Variants in SHANK2 observed in about 807,000 individuals in gnomAD.
SHANK2 encodes the protein SH3 and multiple ankyrin repeat domains protein 2.
A neutral mutation model predicts 133.7 loss-of-function variants in SHANK2; 43 were observed. The ratio of observed to expected loss-of-function variants is 0.32; its 90% CI spans 0.25 to 0.41. SHANK2 has a LOEUF of 0.41. Among genes scored for constraint, SHANK2 ranks in the 10% least tolerant of loss-of-function variants. The probability of loss-of-function intolerance (pLI) is 1.00; values close to 1 mark genes in which losing one functional copy is unlikely to be tolerated. For missense variants in SHANK2, 1,994 were observed against 2,235.8 expected (o/e 0.89, Z 2.18); for synonymous variants, 1,017 against 952.8 (o/e 1.07, Z -1.24).
chr11:70,624,418 C>T (rs1447305492), intron 17 of SHANK2, among the ~76,000 whole-genome samples: 1 of 151,888 alleles, frequency 6.6e-6, no homozygotes, highest in African/African-American at 2.4e-5. Flanking sequence ...CTGCACCCCT[C>T]ACAGAGAGAG....
intron 17 of SHANK2, among the ~76,000 whole-genome samples, chr11:70,612,080 G>A (rs568759515): frequency 6.6e-6 from 1 of 152,300 alleles, no homozygotes; most frequent in East Asian, 1.9e-4. Context: ...CACAGGCCCA[G>A]GAGGGGAGCT....
chr11:71,128,708 C>T (rs1952236241), intron 3 of SHANK2, among the ~76,000 whole-genome samples: 1 of 152,228 alleles, frequency 6.6e-6, no homozygotes, highest in Admixed American at 6.5e-5. Flanking sequence ...CTCTCTCTCC[C>T]CCGACATCTG....
chr11:70,591,428 A>G (rs994512136), intron 17 of SHANK2, among the ~76,000 whole-genome samples: 3 of 152,276 alleles, frequency 2.0e-5, no homozygotes, highest in Middle Eastern at 3.4e-3. Context: ...AAGATAGAAG[A>G]AGGAGCCGGA....
chr11:70,931,517 G>A (rs919673352), intron 10 of SHANK2, among the ~76,000 whole-genome samples: 20 of 152,180 alleles, frequency 1.3e-4, no homozygotes, highest in African/African-American at 4.8e-4. Context: ...CGTGGCCACG[G>A]CAAGTCAGGA....
At chr11:70,906,337 G>A (rs1449823672) in intron 10 of SHANK2, among the ~76,000 whole-genome samples, 3 of 152,054 alleles carry the variant, frequency 2.0e-5, no homozygotes, top group African/African-American at 7.2e-5. Flanking sequence ...GGGCCCTGGA[G>A]AGGCTGTGGA....
At chr11:70,747,262 TGG>T (rs1946660460) in intron 14 of SHANK2, among the ~76,000 whole-genome samples, 1 of 151,366 alleles carries the variant, frequency 6.6e-6, no homozygotes, top group African/African-American at 2.4e-5. Flanking sequence ...GGCGGGGAGG[TGG>T]GGCTCGGTGC....
rs914102966 is a variant in SHANK2 at position 70,577,397 on chromosome 11, G to A, written c.2062-74466C>T. Among the ~76,000 whole-genome samples the A allele has an allele frequency of 6.6e-5, 10 of 152,322 alleles. No homozygotes were observed. In the East Asian group the frequency reaches 1.2e-3, roughly 18 times the overall value. The stretch of plus-strand genomic sequence containing the variant: ...GGTGGAGCCACTTCATGGCACCCAC[G>A]GACCACGAGACATCTCTGGGCTGGG... On this transcript the variant is annotated intron_variant, in intron 17 of 25. Transcript: ENST00000601538.
chr11:70,805,892 CT>C (rs1373919075), intron 13 of SHANK2, among the ~76,000 whole-genome samples: 2 of 152,076 alleles, frequency 1.3e-5, no homozygotes, highest in African/African-American at 4.8e-5. Flanking sequence ...AGAAAAATGA[CT>C]GAAAAAAATG....
chr11:71,230,192 A>C (rs1426733203), intron 1 of SHANK2, among the ~76,000 whole-genome samples: 13 of 152,102 alleles, frequency 8.5e-5, no homozygotes, highest in Admixed American at 8.5e-4. Context: ...TGGGAGGCGG[A>C]GGCAGGAGAA....
At chr11:70,699,864 G>C (rs1456686270) in intron 14 of SHANK2, among the ~76,000 whole-genome samples, 1 of 152,176 alleles carries the variant, frequency 6.6e-6, no homozygotes. Flanking sequence ...ACCCAGATGT[G>C]GCCACGTGAC....
At chr11:70,663,981 T>C (rs909273637) in intron 15 of SHANK2, among the ~76,000 whole-genome samples, 4 of 152,188 alleles carry the variant, frequency 2.6e-5, no homozygotes, top group African/African-American at 7.2e-5. Flanking sequence ...GATGAGGCCA[T>C]GCCATGCTGG....
chr11:70,556,259 A>C (rs1352951341), intron 17 of SHANK2, among the ~76,000 whole-genome samples: 1 of 152,202 alleles, frequency 6.6e-6, no homozygotes, highest in African/African-American at 2.4e-5. Context: ...CATTGTCTGA[A>C]TATATCACAG....
chr11:70,817,566 G>A (rs1948424890), intron 12 of SHANK2, among the ~76,000 whole-genome samples: 1 of 152,182 alleles, frequency 6.6e-6, no homozygotes, highest in East Asian at 1.9e-4. Flanking sequence ...CTCTACCAAC[G>A]GTTCTAGGTG....
intron 10 of SHANK2, among the ~76,000 whole-genome samples, chr11:70,932,759 C>T (rs1181143014): frequency 6.6e-6 from 1 of 152,174 alleles, no homozygotes; most frequent in Non-Finnish European, 1.5e-5. Flanking sequence ...ACAATATTGT[C>T]CTGGTGGTTG....
At chr11:71,231,489 A>C (rs1954740529) in intron 1 of SHANK2, among the ~76,000 whole-genome samples, 1 of 152,262 alleles carries the variant, frequency 6.6e-6, no homozygotes, top group Non-Finnish European at 1.5e-5. Context: ...AAAATGGTAC[A>C]GACATTACAG....
chr11:70,688,044 C>T (rs559614848), intron 15 of SHANK2, among the ~76,000 whole-genome samples: 1 of 152,344 alleles, frequency 6.6e-6, no homozygotes, highest in East Asian at 1.9e-4. Context: ...GCAGCCAGAC[C>T]TTCCTGCCTG....
chr11:70,599,024 C>T (rs2060440039), intron 17 of SHANK2, among the ~76,000 whole-genome samples: 1 of 147,064 alleles, frequency 6.8e-6, no homozygotes, highest in Non-Finnish European at 1.5e-5. Context: ...ATTCCCACTT[C>T]TATTCAGCAT....
intron 2 of SHANK2, among the ~76,000 whole-genome samples, chr11:71,168,453 C>A (rs1459940448): frequency 6.6e-6 from 1 of 152,008 alleles, no homozygotes; most frequent in Admixed American, 6.5e-5. Flanking sequence ...AATCTCGGCA[C>A]CTTGGGAGGC....
chr11:70,819,499 C>A (rs58778595), intron 12 of SHANK2, among the ~76,000 whole-genome samples: 2 of 152,152 alleles, frequency 1.3e-5, no homozygotes, highest in African/African-American at 4.8e-5. Flanking sequence ...TGGGAGGTGG[C>A]GTGAGAAAGG....
Sources: allele counts gnomAD v4.1 joint callset (sites outside exome capture counted in the v4.1 genomes callset), GRCh38; gene constraint gnomAD v4.1.1; transcripts MANE v1.5; gene names NCBI Gene and HGNC (gene_info 2026-07-23, HGNC 2026-07-21).